RBFOX1: variants seen among roughly 807,000 people sequenced by gnomAD.
RBFOX1 encodes the protein RNA binding fox-1 homolog 1.
A neutral mutation model predicts 57.7 loss-of-function variants in RBFOX1; 8 were observed. The ratio of observed to expected loss-of-function variants is 0.14; its 90% CI spans 0.08 to 0.25. The LOEUF (loss-of-function observed/expected upper bound fraction) is 0.25, where lower values mean the gene tolerates loss of function less well. Ranked by LOEUF, RBFOX1 falls within the 10% of genes least tolerant of loss-of-function variation. The pLI, the probability that RBFOX1 is intolerant of heterozygous loss-of-function variation, is 1.00. For synonymous variants in RBFOX1, 326 were observed against 222.4 expected (o/e 1.47, Z -4.15); for missense variants, 611 against 548.5 (o/e 1.11, Z -1.14).
rs556835639 is a variant in RBFOX1 at position 7,384,784 on chromosome 16, C to T, written c.28-133363C>T. Among the ~76,000 whole-genome samples, 204 of 152,236 alleles carry T rather than the reference C, an allele frequency of 1.3e-3. 3 individuals carry two copies. In the South Asian group the frequency reaches 0.015, roughly 11 times the overall value. On this transcript the variant is annotated intron_variant, in intron 4 of 15. Transcript: ENST00000550418. ...TTATTGAATGCCAACCCTTCTCAGC[C>T]GCTGGGTATTCAGTGGTATAGAGTG...
intron 3 of RBFOX1, among the ~76,000 whole-genome samples, chr16:5,807,685 G>C (rs1215860573): frequency 1.3e-5 from 2 of 152,198 alleles, no homozygotes; most frequent in Non-Finnish European, 2.9e-5. Flanking sequence ...CTGAGAGAGA[G>C]GGAGTGTGGA....
intron 3 of RBFOX1, among the ~76,000 whole-genome samples, chr16:7,018,748 C>A (rs11642626): frequency 6.6e-6 from 1 of 151,486 alleles, no homozygotes; most frequent in Admixed American, 6.6e-5. Flanking sequence ...ATGTAACAAA[C>A]CTGCACGTTG....
At chr16:6,620,721 A>G (rs1415233820) in intron 2 of RBFOX1, among the ~76,000 whole-genome samples, 1 of 152,188 alleles carries the variant, frequency 6.6e-6, no homozygotes, top group African/African-American at 2.4e-5. Context: ...AGATTATGAA[A>G]CCCTCTCTGC....
chr16:7,644,342 A>G (rs1300559296), intron 11 of RBFOX1, among the ~76,000 whole-genome samples: 1 of 152,206 alleles, frequency 6.6e-6, no homozygotes, highest in Non-Finnish European at 1.5e-5. Flanking sequence ...TGTTATCATC[A>G]TGCAATTGAA....
In RBFOX1 at chr16:6,808,249, A is replaced by G. The variant is rs35877348; in HGVS notation, c.-16+153599A>G. On this transcript the variant is annotated intron_variant, in intron 3 of 15. Transcript: ENST00000550418. ...TTCCAGCATGTAGCCTTTATATTCT[A>G]CTGATGCCCCATCACTTTGGAATTA... Among the ~76,000 whole-genome samples the G allele has an allele frequency of 4.2e-3, 630 of 151,124 alleles. 4 individuals are homozygous for G. The highest frequency in any genetic ancestry group is 6.4e-3 in the Non-Finnish European group (431 of 67,858).
chr16:7,355,874 T>C (rs572038542), intron 4 of RBFOX1, among the ~76,000 whole-genome samples: 1 of 152,360 alleles, frequency 6.6e-6, no homozygotes, highest in South Asian at 2.1e-4. Context: ...CTCCACCTGC[T>C]CTGCCCAGGC....
chr16:6,642,426 G>A (rs2098499513), intron 2 of RBFOX1, among the ~76,000 whole-genome samples: 1 of 152,050 alleles, frequency 6.6e-6, no homozygotes, highest in Non-Finnish European at 1.5e-5. Context: ...AGCTCACCTG[G>A]TGACAGGAGA....
At chr16:5,934,873 T>G (rs915044243) in intron 4 of RBFOX1, among the ~76,000 whole-genome samples, 1 of 152,274 alleles carries the variant, frequency 6.6e-6, no homozygotes, top group East Asian at 1.9e-4. Context: ...TTGTGGCAGC[T>G]GCACACAGAC....
At chr16:5,750,247 C>A (rs561923237) in intron 3 of RBFOX1, among the ~76,000 whole-genome samples, 95 of 152,290 alleles carry the variant, frequency 6.2e-4, no homozygotes, top group Non-Finnish European at 8.5e-4. Flanking sequence ...AGAGGGGCAC[C>A]CGACTGCATG....
At chr16:6,702,999 A>T (rs569335506) in intron 3 of RBFOX1, among the ~76,000 whole-genome samples, 3 of 152,318 alleles carry the variant, frequency 2.0e-5, no homozygotes, top group East Asian at 1.9e-4. Context: ...TAGGTACGTT[A>T]TCTAAGTGGA....
At chr16:6,003,207 A>T (rs1260554384) in intron 4 of RBFOX1, among the ~76,000 whole-genome samples, 3 of 144,058 alleles carry the variant, frequency 2.1e-5, no homozygotes, top group Non-Finnish European at 3.0e-5. Context: ...TGAAACTGGG[A>T]GGCGGAGCTT....
At chr16:7,688,505 T>A (rs2076612846) in intron 14 of RBFOX1, among the ~76,000 whole-genome samples, 1 of 152,024 alleles carries the variant, frequency 6.6e-6, no homozygotes, top group Non-Finnish European at 1.5e-5. Context: ...ATATCTAGCA[T>A]CTCATGTCCC....
chr16:5,258,702 G>C (rs1446295326), intron 1 of RBFOX1, among the ~76,000 whole-genome samples: 1 of 152,122 alleles, frequency 6.6e-6, no homozygotes, highest in African/African-American at 2.4e-5. Flanking sequence ...CGGATCACGA[G>C]GTCAAGAGTT....
At chr16:6,993,755 G>A (rs1180058874) in intron 3 of RBFOX1, among the ~76,000 whole-genome samples, 1 of 152,104 alleles carries the variant, frequency 6.6e-6, no homozygotes, top group African/African-American at 2.4e-5. Flanking sequence ...ATGGGCATGG[G>A]GCAGGGGAGA....
At chr16:7,426,504 C>T (rs1202626007) in intron 4 of RBFOX1, among the ~76,000 whole-genome samples, 3 of 152,190 alleles carry the variant, frequency 2.0e-5, no homozygotes, top group African/African-American at 4.8e-5. Context: ...GCATGGTGAT[C>T]TGACTCTCCA....
intron 3 of RBFOX1, among the ~76,000 whole-genome samples, chr16:7,035,740 C>T (rs2044211706): frequency 2.0e-5 from 3 of 152,152 alleles, no homozygotes; most frequent in African/African-American, 7.2e-5. Context: ...ACATGAATGC[C>T]TGCTCATTGT....
intron 11 of RBFOX1, among the ~76,000 whole-genome samples, chr16:7,632,708 C>T (rs527303769): frequency 8.5e-5 from 13 of 152,266 alleles, no homozygotes; most frequent in South Asian, 6.2e-4. Flanking sequence ...TCTAACATTG[C>T]GGTCCTATAG....
At chr16:7,209,895 C>T (rs542026693) in intron 4 of RBFOX1, among the ~76,000 whole-genome samples, 1 of 152,168 alleles carries the variant, frequency 6.6e-6, no homozygotes, top group African/African-American at 2.4e-5. Context: ...TGCCTGACCC[C>T]TAGTGCAGGG....
chr16:5,390,885 C>T lies in RBFOX1; in HGVS notation c.220-76331C>T, dbSNP rs79969211. ...ACCATAAGGGAAAGCTAGGACCCAC[C>T]CAGAGGAAGCAGAGCATAGGCTTGG... is the stretch of plus-strand genomic sequence containing the variant. On this transcript the variant is annotated intron_variant, in intron 1 of 2. Transcript: ENST00000585867. Among the ~76,000 whole-genome samples the T allele has an allele frequency of 8.1e-4, 124 of 152,244 alleles. 1 individual carries two copies. Among genetic ancestry groups the T allele is most frequent in the African/African-American group, 2.8e-3 (116 of 41,532 alleles).
Sources: gnomAD v4.1 joint callset for allele counts (sites outside exome capture counted in the v4.1 genomes callset) on GRCh38, gnomAD v4.1.1 for gene constraint, MANE v1.5 for transcripts, NCBI Gene and HGNC (gene_info 2026-07-23, HGNC 2026-07-21) for gene names.